The following FGF13 variants were observed in gnomAD, a reference collection of about 807,000 sequenced individuals.
FGF13 encodes fibroblast growth factor 13, also known as fibroblast growth factor homologous factor 2.
A neutral mutation model predicts 19.5 loss-of-function variants in FGF13; 2 were observed. The ratio of observed to expected loss-of-function variants is 0.10; its 90% CI spans 0.04 to 0.32. The LOEUF is 0.32. Among genes scored for constraint, FGF13 ranks in the 10% least tolerant of loss-of-function variants. The pLI, the probability that FGF13 is intolerant of heterozygous loss-of-function variation, is 1.00. For missense variants in FGF13, 113 were observed against 192.7 expected (o/e 0.59, Z 2.45); for synonymous variants, 72 against 76.9 (o/e 0.94, Z 0.33).
intron 3 of FGF13, among the ~76,000 whole-genome samples, chrX:138,689,275 A>C (rs1455793286): frequency 1.8e-5 from 2 of 112,044 alleles, no homozygotes; most frequent in Non-Finnish European, 3.8e-5. Context: ...TACTATTATT[A>C]TCTCTCATTT....
At chrX:138,978,297 C>G (rs896544042) in intron 1 of FGF13, among the ~76,000 whole-genome samples, 47 of 83,723 alleles carry the variant, frequency 5.6e-4, no homozygotes, top group Non-Finnish European at 9.7e-4. Context: ...GAGTCTCGCT[C>G]TGTCGCCCAG....
intron 3 of FGF13, among the ~76,000 whole-genome samples, chrX:138,767,166 C>A: frequency 8.9e-6 from 1 of 111,976 alleles, no homozygotes; most frequent in Non-Finnish European, 1.9e-5. Context: ...ATTATGGAAA[C>A]AGGATTCAGG....
At chrX:138,635,692 A>G in intron 3 of FGF13, 37 bp from the exon 4 acceptor site, 3 of 1,071,592 alleles carry the variant, frequency 2.8e-6, no homozygotes, top group Non-Finnish European at 3.9e-6. Context: ...TTCAGTGTTT[A>G]TAGCTATGAA....
chrX:139,159,610 C>T (rs2084010325), intron 1 of FGF13, among the ~76,000 whole-genome samples: 1 of 95,865 alleles, frequency 1.0e-5, no homozygotes, highest in South Asian at 5.1e-4. Context: ...CGCACAGAGG[C>T]TCAAAGTGAA....
At chrX:138,735,980 A>C (rs978715962) in intron 1 of FGF13, among the ~76,000 whole-genome samples, 8 of 112,441 alleles carry the variant, frequency 7.1e-5, no homozygotes, top group Non-Finnish European at 1.5e-4. Context: ...TCTGGAAACA[A>C]TTTTATTTTA....
chrX:138,778,541 A>C (rs1247685491), intron 3 of FGF13, among the ~76,000 whole-genome samples: 2 of 112,281 alleles, frequency 1.8e-5, no homozygotes, highest in Non-Finnish European at 3.8e-5. Flanking sequence ...TTCCTAGTCA[A>C]AGAAAGGGGT....
chrX:138,708,740 C>T (rs1296592194), intron 2 of FGF13, 78 bp downstream of exon 2: 22 of 631,707 alleles, frequency 3.5e-5, no homozygotes, highest in Non-Finnish European at 5.6e-5. Flanking sequence ...TTTAGGAAAG[C>T]GTATTTATTT....
At chrX:139,065,498 A>AG (rs756191411) in intron 1 of FGF13, among the ~76,000 whole-genome samples, 2,768 of 84,145 alleles carry the variant, frequency 0.033, 85 homozygotes, top group East Asian at 0.12. Flanking sequence ...AAAAAAAAGA[A>AG]AAAGAAAAAA....
intron 1 of FGF13, among the ~76,000 whole-genome samples, chrX:139,082,829 A>T (rs1374735342): frequency 2.7e-5 from 3 of 110,961 alleles, no homozygotes; most frequent in African/African-American, 9.8e-5. Flanking sequence ...TCATAGCATT[A>T]TGGCATTATG....
intron 3 of FGF13, among the ~76,000 whole-genome samples, chrX:138,764,836 G>A (rs781003126): frequency 8.9e-6 from 1 of 112,060 alleles, no homozygotes; most frequent in South Asian, 3.7e-4. Flanking sequence ...CTTTTGTAAG[G>A]ATCCAATTAG....
chrX:138,964,698 T>G (rs2091888009), intron 1 of FGF13, among the ~76,000 whole-genome samples: 1 of 111,222 alleles, frequency 9.0e-6, no homozygotes, highest in African/African-American at 3.3e-5. Flanking sequence ...CCACTCATGG[T>G]GGAAGGTGAA....
At chrX:139,171,898 TCATAAA>T (rs1290587477) in intron 1 of FGF13, among the ~76,000 whole-genome samples, 2 of 112,289 alleles carry the variant, frequency 1.8e-5, no homozygotes, top group Admixed American at 1.9e-4. Flanking sequence ...TGCAGCTTAT[TCATAAA>T]CTTTTCAAGA....
intron 1 of FGF13, among the ~76,000 whole-genome samples, chrX:139,141,102 T>TACACACACACACACACACACACAC (rs748785543): frequency 2.1e-5 from 2 of 97,178 alleles, no homozygotes; most frequent in African/African-American, 7.7e-5. Flanking sequence ...GATAAGAGTG[T>TACACACACACACACACACACACAC]ACACACACAC....
rs756839627 is a variant in FGF13, at chrX:138,892,002, A to ATATATGTGTGTGTGTGTGTGTGTG, written c.-112-27353_-112-27352insCACACACACACACACACACATATA. 3.0e-3 allele frequency among the ~76,000 whole-genome samples: 274 copies of ATATATGTGTGTGTGTGTGTGTGTG among 90,369 alleles called. 3 individuals carry two copies. The highest frequency in any genetic ancestry group is 0.011 in the African/African-American group (263 of 23,616). The allele number at this position is 90,369 out of a possible 115,157, so 78.5% of individuals were successfully genotyped here. ...TCTGTCTCTCTCTCTATATATACAT[A>ATATATGTGTGTGTGTGTGTGTGTG]TGTGTGTGTGTGTGTGTGTGTGTGT... is the stretch of plus-strand genomic sequence containing the variant. On this transcript the variant is annotated intron_variant, in intron 1 of 2. Transcript: ENST00000421460.
At chrX:138,859,935 G>A (rs1339817360) in intron 2 of FGF13, among the ~76,000 whole-genome samples, 1 of 111,461 alleles carries the variant, frequency 9.0e-6, no homozygotes, top group African/African-American at 3.3e-5. Flanking sequence ...GTAACCATAG[G>A]CACAGAACAT....
chrX:139,101,454 A>T (rs2083512849), intron 1 of FGF13, among the ~76,000 whole-genome samples: 1 of 112,502 alleles, frequency 8.9e-6, no homozygotes, highest in Non-Finnish European at 1.9e-5. Flanking sequence ...TTATAATCAG[A>T]CTTGGTATTA....
chrX:138,921,903 G>A (rs2124243866), intron 1 of FGF13, among the ~76,000 whole-genome samples: 1 of 103,423 alleles, frequency 9.7e-6, no homozygotes, highest in Admixed American at 1.1e-4. Flanking sequence ...AAAATTAACT[G>A]AGGAGACAGA....
chrX:138,789,420 T>A (rs899206913), intron 3 of FGF13, among the ~76,000 whole-genome samples: 1 of 107,578 alleles, frequency 9.3e-6, no homozygotes, highest in Non-Finnish European at 1.9e-5. Context: ...GACATCATGA[T>A]CTGCCCGCCT....
In FGF13 at chrX:138,724,021, CTA is replaced by C. The variant is rs772070518; in HGVS notation, c.29-15095_29-15094del. ...AAATTCACACAACCAGCAAGTGACA[CTA>C]TGTGAACAAAGCTGGGACCACCCAA... is the stretch of plus-strand genomic sequence containing the variant. On this transcript the variant is annotated intron_variant, in intron 1 of 4. Transcript: ENST00000305414. 5.4e-5 allele frequency among the ~76,000 whole-genome samples: 6 copies of C among 112,011 alleles called. No individual in the cohort carries two copies. In the South Asian group the frequency reaches 1.5e-3, roughly 28 times the overall value.
Sources: allele counts gnomAD v4.1 joint callset (sites outside exome capture counted in the v4.1 genomes callset), GRCh38; gene constraint gnomAD v4.1.1; transcripts MANE v1.5; gene names NCBI Gene and HGNC (gene_info 2026-07-23, HGNC 2026-07-21).